Variants in TOX observed in about 807,000 individuals in gnomAD.
TOX encodes the protein thymocyte selection associated high mobility group box.
Under a neutral mutation model 53.7 loss-of-function variants are expected in TOX, and 11 were observed. The ratio of observed to expected loss-of-function variants is 0.20; its 90% CI spans 0.13 to 0.34. The LOEUF is 0.34. TOX is among the 10% of genes least tolerant of loss of function. TOX has a pLI of 1.00. For missense variants in TOX, 570 were observed against 664.6 expected, an observed-to-expected ratio of 0.86 and a Z score of 1.56; for synonymous variants, 225 against 245.3, an observed-to-expected ratio of 0.92 and a Z score of 0.77.
chr8:58,807,743 A>C lies in TOX; in HGVS notation c.*4T>G. 1.9e-6 allele frequency: 3 copies of C among 1,614,134 alleles called. No individual in the cohort carries two copies. The highest frequency in any genetic ancestry group is 2.5e-6 in the Non-Finnish European group (3 of 1,179,974). The stretch of plus-strand genomic sequence containing the variant: ...CTCAGTGGAAAGAAGAGGTGTTCAG[A>C]TTCTCAAGTAAGGTACAGTGCTTTG... On this transcript the variant is annotated 3_prime_UTR_variant, in exon 9 of 9. Transcript: ENST00000361421.
At chr8:59,033,007 C>T (rs1020561128) in intron 1 of TOX, among the ~76,000 whole-genome samples, 1 of 148,392 alleles carries the variant, frequency 6.7e-6, no homozygotes, top group Non-Finnish European at 1.5e-5. Flanking sequence ...GCACTCCATC[C>T]TGGGCCACAG....
intron 7 of TOX, among the ~76,000 whole-genome samples, chr8:58,813,223 T>C (rs915484939): frequency 1.3e-5 from 2 of 152,234 alleles, no homozygotes; most frequent in African/African-American, 2.4e-5. Flanking sequence ...TCTGAAATAT[T>C]TGAAAACTAT....
intron 1 of TOX, among the ~76,000 whole-genome samples, chr8:58,964,764 T>C (rs1387117390): frequency 6.6e-6 from 1 of 152,178 alleles, no homozygotes; most frequent in East Asian, 1.9e-4. Flanking sequence ...TACTGCTTTT[T>C]ACTCCAACAC....
At chr8:59,056,029 T>C (rs1454766146) in intron 1 of TOX, among the ~76,000 whole-genome samples, 1 of 152,132 alleles carries the variant, frequency 6.6e-6, no homozygotes, top group African/African-American at 2.4e-5. Flanking sequence ...ACATTTCTCT[T>C]GCCAAAGAGA....
At chr8:59,083,969 T>C (rs534140601) in intron 1 of TOX, among the ~76,000 whole-genome samples, 8 of 152,216 alleles carry the variant, frequency 5.3e-5, no homozygotes, top group African/African-American at 1.7e-4. Flanking sequence ...GCTCTATGAG[T>C]GTTAATTTTT....
intron 1 of TOX, among the ~76,000 whole-genome samples, chr8:59,057,921 A>G (rs757708678): frequency 1.6e-4 from 24 of 152,126 alleles, no homozygotes; most frequent in Non-Finnish European, 1.8e-4. Context: ...GTCTCGGCTC[A>G]CTGCAACCTC....
intron 1 of TOX, among the ~76,000 whole-genome samples, chr8:59,002,782 T>C (rs1813717843): frequency 6.6e-6 from 1 of 152,196 alleles, no homozygotes; most frequent in South Asian, 2.1e-4. Flanking sequence ...GAAATAATAT[T>C]TCTGATAGGG....
At chr8:59,010,630 C>T (rs559533530) in intron 1 of TOX, among the ~76,000 whole-genome samples, 2 of 152,188 alleles carry the variant, frequency 1.3e-5, no homozygotes, top group Non-Finnish European at 2.9e-5. Context: ...GGGTCTCAGT[C>T]TTTACATCCC....
intron 1 of TOX, among the ~76,000 whole-genome samples, chr8:59,041,435 A>G (rs749929805): frequency 3.9e-5 from 6 of 152,104 alleles, no homozygotes; most frequent in Non-Finnish European, 7.4e-5. Flanking sequence ...TCATTATTTA[A>G]TCTCAACCTC....
chr8:58,983,074 T>A (rs1466576175), intron 1 of TOX, among the ~76,000 whole-genome samples: 1 of 152,226 alleles, frequency 6.6e-6, no homozygotes, highest in Non-Finnish European at 1.5e-5. Flanking sequence ...TATCCCTCCT[T>A]TGAATCAGAA....
At chr8:58,901,125 C>T (rs531491635) in intron 3 of TOX, among the ~76,000 whole-genome samples, 2 of 152,188 alleles carry the variant, frequency 1.3e-5, no homozygotes, top group African/African-American at 4.8e-5. Flanking sequence ...TGTTTGGTGA[C>T]TTTGCTTTGA....
At chr8:58,998,809 A>G (rs1813634270) in intron 1 of TOX, among the ~76,000 whole-genome samples, 1 of 151,832 alleles carries the variant, frequency 6.6e-6, no homozygotes, top group African/African-American at 2.4e-5. Flanking sequence ...TATTTTGAGT[A>G]TGAAAGTCCA....
At chr8:58,908,644 CT>C (rs1224907034) in intron 3 of TOX, among the ~76,000 whole-genome samples, 2 of 152,158 alleles carry the variant, frequency 1.3e-5, no homozygotes, top group African/African-American at 4.8e-5. Flanking sequence ...TGTTTCAATA[CT>C]TTTGTGTCTC....
intron 5 of TOX, 94 bp downstream of exon 5, chr8:58,837,987 A>T (rs998780556): frequency 8.5e-7 from 1 of 1,172,266 alleles, no homozygotes; most frequent in African/African-American, 1.5e-5. Flanking sequence ...CTGTTCTGGG[A>T]TCTAAAGAAT....
intron 3 of TOX, among the ~76,000 whole-genome samples, chr8:58,857,758 C>A (rs1810939591): frequency 1.3e-5 from 2 of 152,038 alleles, no homozygotes; most frequent in South Asian, 4.2e-4. Context: ...CACTTTCTTT[C>A]CTTTGATTTT....
At chr8:58,955,652 A>T (rs1310887148) in intron 2 of TOX, among the ~76,000 whole-genome samples, 1 of 152,010 alleles carries the variant, frequency 6.6e-6, no homozygotes, top group African/African-American at 2.4e-5. Flanking sequence ...TGAGGCAGGC[A>T]TGTGAAGAGC....
At chr8:59,070,207 A>C (rs1181671664) in intron 1 of TOX, among the ~76,000 whole-genome samples, 1 of 152,214 alleles carries the variant, frequency 6.6e-6, no homozygotes, top group Non-Finnish European at 1.5e-5. Flanking sequence ...CTTCTGAATA[A>C]TTAAAAAGTT....
At chr8:58,813,389 A>G (rs780587846) in intron 7 of TOX, among the ~76,000 whole-genome samples, 3 of 152,226 alleles carry the variant, frequency 2.0e-5, no homozygotes, top group Non-Finnish European at 2.9e-5. Context: ...TCCTTCAGGA[A>G]GAAACAGCCC....
chr8:58,902,802 T>C (rs1345600772), intron 3 of TOX, among the ~76,000 whole-genome samples: 1 of 152,230 alleles, frequency 6.6e-6, no homozygotes. Context: ...CCTTACAAAA[T>C]GCTGAATATC....
Sources: allele counts gnomAD v4.1 joint callset (sites outside exome capture counted in the v4.1 genomes callset), GRCh38; gene constraint gnomAD v4.1.1; transcripts MANE v1.5; gene names NCBI Gene and HGNC (gene_info 2026-07-23, HGNC 2026-07-21).